The following MTPAP variants were observed in gnomAD, a reference collection of about 807,000 sequenced individuals.
MTPAP encodes the protein mitochondrial poly(A) polymerase.
Under a neutral mutation model 48.7 loss-of-function variants are expected in MTPAP, and 23 were observed. The observed-to-expected ratio is 0.47, with a 90% CI of 0.34 to 0.67. The LOEUF is 0.67. Ranked by LOEUF, MTPAP falls within the 30% of genes least tolerant of loss-of-function variation. MTPAP has a pLI of 0.01. For missense variants in MTPAP, 614 were observed against 694.3 expected, an observed-to-expected ratio of 0.88 and a Z score of 1.30; for synonymous variants, 257 against 254.1, an observed-to-expected ratio of 1.01 and a Z score of -0.11.
At chr10:30,346,355 G>C (rs945862163) in intron 1 of MTPAP, among the ~76,000 whole-genome samples, 1 of 152,018 alleles carries the variant, frequency 6.6e-6, no homozygotes, top group Non-Finnish European at 1.5e-5. Context: ...TAATAGATAA[G>C]CCAGAGAGCA....
intron 6 of MTPAP, among the ~76,000 whole-genome samples, chr10:30,320,330 G>C (rs998835393): frequency 2.2e-4 from 33 of 152,116 alleles, no homozygotes; most frequent in Non-Finnish European, 3.8e-4. Flanking sequence ...TTCAAGTCCA[G>C]TCTGGGAAAC....
In MTPAP at chr10:30,341,320, C is replaced by T. The variant is rs183486140; in HGVS notation, c.330+148G>A. ...AGAATCCCATATCAAAAACAAAACT[C>T]ATTAAAGAAATCTAGATAAAGAAGA... On this transcript the variant is annotated intron_variant, in intron 2 of 8. Coordinates refer to ENST00000263063, the MANE Select transcript of MTPAP (RefSeq NM_018109.4). 12 of 1,031,182 alleles carry T rather than the reference C, an allele frequency of 1.2e-5. No individual in the cohort carries two copies. The East Asian group carries it at 3.0e-4, about 26-fold the overall frequency. The allele number at this position is 1,031,182 out of a possible 1,614,324, so 63.9% of individuals were successfully genotyped here.
intron 1 of MTPAP, among the ~76,000 whole-genome samples, chr10:30,346,416 A>G (rs894584876): frequency 1.7e-4 from 26 of 152,194 alleles, no homozygotes; most frequent in African/African-American, 4.3e-4. Flanking sequence ...CAATTACTAC[A>G]GATAAAGAGA....
chr10:30,330,387 G>A (rs545076625), intron 4 of MTPAP, among the ~76,000 whole-genome samples: 3 of 152,198 alleles, frequency 2.0e-5, no homozygotes, highest in Admixed American at 6.5e-5. Flanking sequence ...ATCTCAGGAT[G>A]GCAAAAAGAG....
intron 6 of MTPAP, among the ~76,000 whole-genome samples, chr10:30,317,515 A>G (rs1297640749): frequency 1.3e-5 from 2 of 152,224 alleles, no homozygotes; most frequent in Non-Finnish European, 2.9e-5. Context: ...TTTCATAAAT[A>G]TACAACCACC....
intron 3 of MTPAP, among the ~76,000 whole-genome samples, chr10:30,339,079 C>T (rs1343310812): frequency 2.0e-5 from 3 of 151,178 alleles, no homozygotes; most frequent in East Asian, 2.0e-4. Flanking sequence ...GCTGAGATCA[C>T]GCCACTGCAC....
intron 1 of MTPAP, among the ~76,000 whole-genome samples, chr10:30,346,043 GA>G (rs59035967): frequency 0.025 from 1,581 of 64,176 alleles, 10 homozygotes; most frequent in African/African-American, 0.063. Context: ...CTTCTCAAAA[GA>G]AAAAAAAAAA....
intron 8 of MTPAP, among the ~76,000 whole-genome samples, chr10:30,314,635 G>A (rs912086164): frequency 6.6e-6 from 1 of 151,976 alleles, no homozygotes; most frequent in Admixed American, 6.6e-5. Context: ...CATTTTGGGA[G>A]GCCGAGGCAG....
chr10:30,320,225 T>C (rs1186149859), intron 6 of MTPAP, among the ~76,000 whole-genome samples: 1 of 152,172 alleles, frequency 6.6e-6, no homozygotes, highest in East Asian at 1.9e-4. Flanking sequence ...ATTGCACCAC[T>C]GCACTCCAGC....
In MTPAP at chr10:30,327,499, A is replaced by AAAATAAATAAAT. The variant is rs55642261; in HGVS notation, c.781-876_781-865dup. Among the ~76,000 whole-genome samples the AAAATAAATAAAT allele has an allele frequency of 3.3e-3, 452 of 138,992 alleles. 3 individuals carry two copies. Among genetic ancestry groups the AAAATAAATAAAT allele is most frequent in the Middle Eastern group, 0.03 (8 of 266 alleles). 91.2% of individuals were successfully genotyped at this position (138,992 alleles called of 152,430 possible). On this transcript the variant is annotated intron_variant, in intron 4 of 8. Transcript: ENST00000263063. ...GGGCAACTGAGCGAGACTCCATTTC[A>AAAATAAATAAAT]AAATAAATAAATAAATAAATAAATA...
chr10:30,325,826 G>T (rs916219602), intron 5 of MTPAP, among the ~76,000 whole-genome samples: 3 of 151,808 alleles, frequency 2.0e-5, no homozygotes, highest in African/African-American at 7.3e-5. Context: ...CAGTACAAAA[G>T]AACTTTTCCC....
chr10:30,331,795 G>C (rs775998202), intron 4 of MTPAP, among the ~76,000 whole-genome samples: 15 of 152,220 alleles, frequency 9.9e-5, no homozygotes, highest in Non-Finnish European at 1.5e-4. Flanking sequence ...TTGAACTCCT[G>C]ACCTCAGGTG....
At chr10:30,324,785 T>A (rs1564519968) in intron 5 of MTPAP, among the ~76,000 whole-genome samples, 1 of 152,116 alleles carries the variant, frequency 6.6e-6, no homozygotes. Context: ...GCAGATCACC[T>A]GAGGTCCGGA....
intron 8 of MTPAP, among the ~76,000 whole-genome samples, chr10:30,315,381 C>T (rs1441660399): frequency 6.6e-6 from 1 of 151,970 alleles, no homozygotes. Flanking sequence ...AGAGGGCTAT[C>T]CCAAGTTATC....
intron 1 of MTPAP, among the ~76,000 whole-genome samples, chr10:30,344,388 T>G (rs1834846590): frequency 6.6e-6 from 1 of 152,336 alleles, no homozygotes; most frequent in South Asian, 2.1e-4. Flanking sequence ...CATGGCAGAA[T>G]CTCTTCCACC....
chr10:30,319,849 C>T (rs1840701527), intron 6 of MTPAP, among the ~76,000 whole-genome samples: 1 of 152,174 alleles, frequency 6.6e-6, no homozygotes, highest in Non-Finnish European at 1.5e-5. Context: ...TATTTAAAAA[C>T]TACTGCAAAA....
intron 6 of MTPAP, among the ~76,000 whole-genome samples, chr10:30,317,890 T>C (rs1317668965): frequency 6.6e-6 from 1 of 152,170 alleles, no homozygotes; most frequent in Non-Finnish European, 1.5e-5. Context: ...AATCTGGCTC[T>C]GTCACCCAGG....
intron 5 of MTPAP, 108 bp from the exon 6 acceptor site, chr10:30,322,725 T>G (rs953464869): frequency 2.5e-5 from 20 of 784,414 alleles, no homozygotes; most frequent in Non-Finnish European, 4.1e-5. Flanking sequence ...TATATCTGAA[T>G]GTATTCAGAA....
chr10:30,337,125 T>C, intron 3 of MTPAP, 98 bp from the exon 4 acceptor site: 2 of 1,048,226 alleles, frequency 1.9e-6, no homozygotes, highest in Non-Finnish European at 2.9e-6. Flanking sequence ...GTTGAAGACC[T>C]ACCTTAGAAA....
Sources: allele counts gnomAD v4.1 joint callset (sites outside exome capture counted in the v4.1 genomes callset), GRCh38; gene constraint gnomAD v4.1.1; transcripts MANE v1.5; gene names NCBI Gene and HGNC (gene_info 2026-07-23, HGNC 2026-07-21).